BLZF1: variants seen among roughly 807,000 people sequenced by gnomAD.
BLZF1 encodes golgin-45.
In BLZF1, 39 loss-of-function variants were observed where a neutral mutation model predicts 43.8. The ratio of observed to expected loss-of-function variants is 0.89; its 90% CI spans 0.69 to 1.16. The LOEUF (loss-of-function observed/expected upper bound fraction) is 1.16. Among genes scored for constraint, BLZF1 ranks in the 50% most tolerant of loss-of-function variants. The pLI, the probability that BLZF1 is intolerant of heterozygous loss-of-function variation, is 0.00. For synonymous variants in BLZF1, 136 were observed against 159.4 expected (o/e 0.85, Z 1.11); for missense variants, 449 against 469.8 (o/e 0.96, Z 0.41).
chr1:169,379,954 CAT>C lies in BLZF1; in HGVS notation c.669-526_669-525del, dbSNP rs1198041666. 2.6e-5 allele frequency among the ~76,000 whole-genome samples: 4 copies of C among 151,686 alleles called. No homozygotes were observed. In the East Asian group the frequency reaches 5.8e-4, roughly 22 times the overall value. ...AAAGTGGATAAATTTATTTTTAACACATGTATATGTTGAAATATACATAAATT... is the reference window on the plus strand; with the variant it reads ...AAAGTGGATAAATTTATTTTTAACACGTATATGTTGAAATATACATAAATT... On this transcript the variant is annotated intron_variant, in intron 4 of 6. Coordinates refer to ENST00000367808, the MANE Select transcript of BLZF1 (RefSeq NM_001320973.2).
chr1:169,386,446 G>A (rs1038125486), intron 6 of BLZF1, among the ~76,000 whole-genome samples: 6 of 152,002 alleles, frequency 3.9e-5, no homozygotes, highest in Admixed American at 6.6e-5. Flanking sequence ...CTGGGGGGCC[G>A]AGGCAGGCAG....
chr1:169,395,241 T>G (rs17576071), intron 7 of BLZF1: 84,850 of 1,570,154 alleles, frequency 0.054, 2,681 homozygotes, highest in South Asian at 0.11. Context: ...TTGGTGAGTA[T>G]CAACCTGAAT....
At chr1:169,381,932 C>A (rs1437552120) in intron 5 of BLZF1, 130 bp from the exon 6 acceptor site, 13 of 722,554 alleles carry the variant, frequency 1.8e-5, no homozygotes, top group Non-Finnish European at 2.7e-5. Context: ...ATTTATGGAA[C>A]TCTGAGAGAG....
downstream of BLZF1, among the ~76,000 whole-genome samples, chr1:169,390,015 T>TAA (rs1654780044): frequency 6.6e-6 from 1 of 152,150 alleles, no homozygotes; most frequent in Non-Finnish European, 1.5e-5. Context: ...GTTCTGGAGA[T>TAA]AAACAGTGAT....
At chr1:169,391,581 G>A (rs887640596), downstream of BLZF1, among the ~76,000 whole-genome samples, 1 of 152,120 alleles carries the variant, frequency 6.6e-6, no homozygotes, top group African/African-American at 2.4e-5. Flanking sequence ...CCGGTTACAG[G>A]GAGAAGGCCT....
rs765905577 is a variant in BLZF1 at position 169,387,190 on chromosome 1, T to C, written c.*8T>C. On this transcript the variant is annotated 3_prime_UTR_variant, in exon 7 of 7. Coordinates refer to ENST00000367808, the MANE Select transcript of BLZF1 (RefSeq NM_001320973.2). ...GAACTGATTGCCCTTTAACAGTCAATATGTTGGAGGCATGCTAAGGTACTT... is the reference window on the plus strand; with the variant it reads ...GAACTGATTGCCCTTTAACAGTCAACATGTTGGAGGCATGCTAAGGTACTT... The C allele has an allele frequency of 2.0e-5, 32 of 1,609,658 alleles. No individual in the cohort carries two copies. Among genetic ancestry groups the C allele is most frequent in the Non-Finnish European group, 2.5e-5 (30 of 1,178,556 alleles).
chr1:169,382,820 C>T (rs1170311244), intron 6 of BLZF1, among the ~76,000 whole-genome samples: 3 of 152,166 alleles, frequency 2.0e-5, no homozygotes, highest in Non-Finnish European at 4.4e-5. Context: ...CCCTGCCTGT[C>T]GCCATAACTC....
intron 4 of BLZF1, among the ~76,000 whole-genome samples, chr1:169,379,835 T>C (rs1654470965): frequency 6.6e-6 from 1 of 152,050 alleles, no homozygotes; most frequent in Non-Finnish European, 1.5e-5. Context: ...GAGATAGCTG[T>C]ATATGTGCTA....
chr1:169,372,352 A>G (rs1654151606), intron 2 of BLZF1, among the ~76,000 whole-genome samples: 1 of 152,148 alleles, frequency 6.6e-6, no homozygotes, highest in African/African-American at 2.4e-5. Flanking sequence ...AGGAAAAAAA[A>G]TAAAGCAGTT....
At chr1:169,394,937 A>T in intron 7 of BLZF1, 1 of 1,010,256 alleles carries the variant, frequency 9.9e-7, no homozygotes. Flanking sequence ...TGTCAATAAA[A>T]GATAAATACC....
chr1:169,382,028 T>C (rs768951567), intron 5 of BLZF1, 34 bp from the exon 6 acceptor site: 1 of 1,528,828 alleles, frequency 6.5e-7, no homozygotes, highest in Admixed American at 1.9e-5. Flanking sequence ...TTTGCTCTCT[T>C]ACTATGTCCG....
chr1:169,383,980 C>A (rs1654599739), intron 6 of BLZF1, among the ~76,000 whole-genome samples: 1 of 152,122 alleles, frequency 6.6e-6, no homozygotes, highest in South Asian at 2.1e-4. Flanking sequence ...CCATCTCAGA[C>A]TTTTTTCTGA....
At chr1:169,395,153 T>C (rs199667249) in intron 7 of BLZF1, 1 of 1,613,226 alleles carries the variant, frequency 6.2e-7, no homozygotes, top group East Asian at 2.2e-5. Flanking sequence ...TCTAGTTCTC[T>C]CTCTGACAGC....
chr1:169,371,783 A>T (rs1302394822), intron 2 of BLZF1, among the ~76,000 whole-genome samples: 1 of 152,246 alleles, frequency 6.6e-6, no homozygotes. Flanking sequence ...TTGAAAATAA[A>T]GCTATTAAAG....
At chr1:169,371,086 G>C (rs1356236881) in intron 2 of BLZF1, among the ~76,000 whole-genome samples, 1 of 147,812 alleles carries the variant, frequency 6.8e-6, no homozygotes, top group African/African-American at 2.7e-5. Flanking sequence ...AAGAAACAAG[G>C]AAGAAAGATC....
rs1442211705 is a variant in BLZF1, at chr1:169,369,465, A to T, written c.-50-8A>T. 6.9e-7 allele frequency: 1 copy of T among 1,450,202 alleles called. No individual in the cohort carries two copies. Among genetic ancestry groups the T allele is most frequent in the African/African-American group, 1.4e-5 (1 of 69,936 alleles). 89.8% of individuals were successfully genotyped at this position (1,450,202 alleles called of 1,614,324 possible). A position where few individuals can be genotyped will look rare whatever the true frequency, so the allele number is the denominator to read the frequency against. On this transcript the variant is annotated splice_polypyrimidine_tract_variant and splice_region_variant and intron_variant, in intron 1 of 6. Transcript: ENST00000367808. ...TTTTAAAATTATTTCATATGCATAC[A>T]TTTCTAGGTTGTTCAGCAGAAGTCT...
chr1:169,391,402 C>T (rs958990908), downstream of BLZF1, among the ~76,000 whole-genome samples: 2 of 152,212 alleles, frequency 1.3e-5, no homozygotes, highest in African/African-American at 4.8e-5. Flanking sequence ...CCCCTAAAGA[C>T]TGTCTCCTTG....
chr1:169,380,411 G>C (rs1654486991), intron 4 of BLZF1, 70 bp from the exon 5 acceptor site: 1 of 1,400,162 alleles, frequency 7.1e-7, no homozygotes, highest in South Asian at 1.4e-5. Flanking sequence ...CAGTCACAAA[G>C]TAGTATATTC....
intron 6 of BLZF1, among the ~76,000 whole-genome samples, 164 bp downstream of exon 6, chr1:169,382,445 C>T (rs773489397): frequency 5.9e-5 from 9 of 152,062 alleles, no homozygotes; most frequent in African/African-American, 1.9e-4. Context: ...TCCTCTTCTG[C>T]GCTTTAATAT....
Sources: allele counts gnomAD v4.1 joint callset (sites outside exome capture counted in the v4.1 genomes callset), GRCh38; gene constraint gnomAD v4.1.1; transcripts MANE v1.5; gene names NCBI Gene and HGNC (gene_info 2026-07-23, HGNC 2026-07-21).